SPAG16: variants seen among roughly 807,000 people sequenced by gnomAD.
SPAG16 encodes sperm associated antigen 16, also known as sperm-associated antigen 16 protein.
A neutral mutation model predicts 80.4 loss-of-function variants in SPAG16; 86 were observed. That is an observed-to-expected ratio of 1.07 (90% CI 0.90 to 1.28). The LOEUF (loss-of-function observed/expected upper bound fraction) is 1.28, where lower values mean the gene tolerates loss of function less well. Ranked by LOEUF, SPAG16 falls within the 50% of genes most tolerant of loss-of-function variation. The probability of loss-of-function intolerance (pLI) is 0.00; values close to 1 mark genes in which losing one functional copy is unlikely to be tolerated. For missense variants in SPAG16, 870 were observed against 765.3 expected, an observed-to-expected ratio of 1.14 and a Z score of -1.61; for synonymous variants, 294 against 265.9, an observed-to-expected ratio of 1.11 and a Z score of -1.03.
Position 213,688,797 on chromosome 2 carries a change from G to A in SPAG16, c.1071-173688G>A, listed in dbSNP as rs370062197. On this transcript the variant is annotated intron_variant, in intron 10 of 15. Transcript: ENST00000331683. ...ATGCCTCCAAATTAATTTTTCTCCT[G>A]CAATCTCTAATCTGCTTCCATCTAG... is the stretch of plus-strand genomic sequence containing the variant. 3.8e-4 allele frequency among the ~76,000 whole-genome samples: 58 copies of A among 151,604 alleles called. No homozygotes were observed. In the East Asian group the frequency reaches 7.8e-3, roughly 20 times the overall value.
At chr2:213,987,609 T>C (rs758422251) in intron 12 of SPAG16, among the ~76,000 whole-genome samples, 26 of 151,970 alleles carry the variant, frequency 1.7e-4, no homozygotes, top group Non-Finnish European at 2.8e-4. Flanking sequence ...AATCCTAAAC[T>C]CGGACAATTG....
In SPAG16 at chr2:213,364,245, T is replaced by C. The variant is rs1225217476; in HGVS notation, c.832+100T>C. The C allele has an allele frequency of 1.1e-5, 6 of 537,218 alleles. No homozygotes were observed. In the East Asian group the frequency reaches 2.2e-4, roughly 20 times the overall value. The allele number at this position is 537,218 out of a possible 1,614,324, so 33.3% of individuals were successfully genotyped here. On this transcript the variant is annotated intron_variant, in intron 8 of 15. Transcript: ENST00000331683. ...CTAGAGATATTTAAAGGTGAGTAAG[T>C]GGTGGCTATTTCACAAATTAAAATT...
At chr2:213,654,540 CAAAAAAAAAAAAA>C (rs36009811) in intron 10 of SPAG16, among the ~76,000 whole-genome samples, 2 of 56,734 alleles carry the variant, frequency 3.5e-5, no homozygotes, top group Non-Finnish European at 6.9e-5. Flanking sequence ...ACTAAAAATA[CAAAAAAAAAAAAA>C]AAAAAAAAAA....
At position 213,833,459 on chromosome 2, in the gene SPAG16, TATATATTATATATA is replaced by T. The variant is rs2073809663; in HGVS notation, c.1071-29022_1071-29009del. The stretch of plus-strand genomic sequence containing the variant: ...TGTGTGTGTATATATATATATTATA[TATATATTATATATA>T]ATAATATATATATTATATATAATAT... On this transcript the variant is annotated intron_variant, in intron 10 of 15. Coordinates refer to ENST00000331683, the MANE Select transcript of SPAG16 (RefSeq NM_024532.5). 1.3e-4 allele frequency among the ~76,000 whole-genome samples: 2 copies of T among 15,040 alleles called. 1 individual carries two copies. The highest frequency in any genetic ancestry group is 3.3e-3 in the South Asian group (2 of 612). The allele number at this position is 15,040 out of a possible 152,430, so 9.9% of individuals were successfully genotyped here. A position where few individuals can be genotyped will look rare whatever the true frequency, so the allele number is the denominator to read the frequency against.
At chr2:213,646,071 C>T (rs942671795) in intron 10 of SPAG16, among the ~76,000 whole-genome samples, 1 of 152,194 alleles carries the variant, frequency 6.6e-6, no homozygotes, top group Admixed American at 6.5e-5. Flanking sequence ...GCTGTGCTCT[C>T]CCCACTACTC....
chr2:213,336,473 C>A (rs2064364089), intron 5 of SPAG16, among the ~76,000 whole-genome samples: 2 of 152,208 alleles, frequency 1.3e-5, no homozygotes, highest in South Asian at 4.1e-4. Flanking sequence ...TCAGAGACTG[C>A]CTAGGAAGAC....
intron 13 of SPAG16, among the ~76,000 whole-genome samples, chr2:214,080,879 A>C (rs1013056468): frequency 2.0e-5 from 3 of 151,842 alleles, no homozygotes; most frequent in Non-Finnish European, 4.4e-5. Flanking sequence ...GGCTTATAAA[A>C]ATACAGATAT....
At chr2:213,366,263 T>C (rs887117196) in intron 8 of SPAG16, among the ~76,000 whole-genome samples, 1 of 151,448 alleles carries the variant, frequency 6.6e-6, no homozygotes, top group African/African-American at 2.4e-5. Flanking sequence ...CTTAAACAAA[T>C]GATGGCCCCA....
At chr2:214,105,883 T>C (rs1249659677) in intron 13 of SPAG16, among the ~76,000 whole-genome samples, 3 of 152,190 alleles carry the variant, frequency 2.0e-5, no homozygotes, top group Non-Finnish European at 4.4e-5. Context: ...TTTAAACTTA[T>C]TTTAATTCAT....
At chr2:213,479,558 G>A (rs530473227) in intron 9 of SPAG16, among the ~76,000 whole-genome samples, 34 of 151,936 alleles carry the variant, frequency 2.2e-4, no homozygotes, top group Admixed American at 1.1e-3. Flanking sequence ...ATGATTCAAC[G>A]AAAACCCCAA....
chr2:213,515,993 A>G (rs1025210093), intron 10 of SPAG16, among the ~76,000 whole-genome samples: 8 of 152,148 alleles, frequency 5.3e-5, no homozygotes, highest in African/African-American at 1.9e-4. Flanking sequence ...AAAATAGGCC[A>G]TAGGGAGAGG....
At chr2:213,852,627 C>T (rs1192361332) in intron 10 of SPAG16, among the ~76,000 whole-genome samples, 2 of 152,130 alleles carry the variant, frequency 1.3e-5, no homozygotes, top group Non-Finnish European at 2.9e-5. Context: ...AAAGGTACTT[C>T]TTGCTTGTCA....
chr2:214,235,274 A>G (rs1392057388), intron 15 of SPAG16, among the ~76,000 whole-genome samples: 1 of 152,134 alleles, frequency 6.6e-6, no homozygotes, highest in Non-Finnish European at 1.5e-5. Context: ...TATTAAATGA[A>G]AGTCCAAACT....
chr2:213,899,793 T>A (rs1227374070), intron 11 of SPAG16, among the ~76,000 whole-genome samples: 1 of 152,136 alleles, frequency 6.6e-6, no homozygotes, highest in Non-Finnish European at 1.5e-5. Context: ...TAATATTGAA[T>A]GCTTCTTCTC....
intron 10 of SPAG16, among the ~76,000 whole-genome samples, chr2:213,591,507 A>G (rs1440612868): frequency 1.3e-5 from 2 of 152,188 alleles, no homozygotes; most frequent in African/African-American, 2.4e-5. Flanking sequence ...ATTTGAAATC[A>G]TTTTATGTTT....
At chr2:213,342,343 C>CATATATATGTATATATATATTACAT (rs57377846) in intron 6 of SPAG16, among the ~76,000 whole-genome samples, 1,364 of 117,904 alleles carry the variant, frequency 0.012, 13 homozygotes, top group Middle Eastern at 0.02. Flanking sequence ...ATATATATTA[C>CATATATATGTATATATATATTACAT]ATATATGTAT....
At chr2:213,725,371 A>T (rs748908363) in intron 10 of SPAG16, among the ~76,000 whole-genome samples, 2 of 152,130 alleles carry the variant, frequency 1.3e-5, no homozygotes, top group Non-Finnish European at 2.9e-5. Flanking sequence ...CACTAATCTG[A>T]TTCTTAGTAC....
intron 10 of SPAG16, among the ~76,000 whole-genome samples, chr2:213,567,525 T>C (rs2059817435): frequency 8.2e-6 from 1 of 121,748 alleles, no homozygotes; most frequent in African/African-American, 3.8e-5. Flanking sequence ...GAATGATGGT[T>C]TCCAACTTCA....
At chr2:214,012,176 C>A (rs2047313060) in intron 12 of SPAG16, among the ~76,000 whole-genome samples, 2 of 144,472 alleles carry the variant, frequency 1.4e-5, no homozygotes, top group Admixed American at 1.4e-4. Context: ...GTTCAAGCCA[C>A]AGAGGAACTA....
Sources: allele counts gnomAD v4.1 joint callset (sites outside exome capture counted in the v4.1 genomes callset), GRCh38; gene constraint gnomAD v4.1.1; transcripts MANE v1.5; gene names NCBI Gene and HGNC (gene_info 2026-07-23, HGNC 2026-07-21).